Variants in CCSER1 observed in about 807,000 individuals in gnomAD.
CCSER1 encodes coiled-coil serine rich protein 1, also known as serine-rich coiled-coil domain-containing protein 1.
In CCSER1, 41 loss-of-function variants were observed where a neutral mutation model predicts 82.0. The ratio of observed to expected loss-of-function variants is 0.50; its 90% CI spans 0.39 to 0.65. The LOEUF (loss-of-function observed/expected upper bound fraction) is 0.65. Among genes scored for constraint, CCSER1 ranks in the 30% least tolerant of loss-of-function variants. The pLI is 0.00. For missense variants in CCSER1, 1,119 were observed against 1,064.2 expected, an observed-to-expected ratio of 1.05 and a Z score of -0.72; for synonymous variants, 414 against 383.9, an observed-to-expected ratio of 1.08 and a Z score of -0.92.
intron 5 of CCSER1, among the ~76,000 whole-genome samples, chr4:90,559,396 T>G (rs1477619099): frequency 6.6e-6 from 1 of 152,122 alleles, no homozygotes; most frequent in East Asian, 1.9e-4. Flanking sequence ...AACAAAGGCC[T>G]TCAGCAGACC....
chr4:91,382,628 G>T (rs552169272), intron 10 of CCSER1, among the ~76,000 whole-genome samples: 1 of 152,270 alleles, frequency 6.6e-6, no homozygotes, highest in South Asian at 2.1e-4. Context: ...GGCTAGGAAA[G>T]GGAATTCCCT....
In CCSER1 at chr4:90,748,746, G is replaced by A. The variant is rs374972146; in HGVS notation, c.2010+24755G>A. Among the ~76,000 whole-genome samples the A allele has an allele frequency of 6.9e-4, 103 of 149,398 alleles. 1 individual carries two copies. The highest frequency in any genetic ancestry group is 1.1e-3 in the Non-Finnish European group (77 of 67,276). On this transcript the variant is annotated intron_variant, in intron 7 of 10. Transcript: ENST00000509176. Reference sequence around the variant, plus strand: ...TTGCCATTCTAACTGGTGTGAGATGGTATCTCATTGTGGTTTTGATGTGCA... The same window carrying A: ...TTGCCATTCTAACTGGTGTGAGATGATATCTCATTGTGGTTTTGATGTGCA...
At chr4:90,252,444 C>T (rs546135493) in intron 1 of CCSER1, among the ~76,000 whole-genome samples, 52 of 151,512 alleles carry the variant, frequency 3.4e-4, no homozygotes, top group Admixed American at 1.3e-3. Flanking sequence ...AATATAAGAA[C>T]GTGTTTTTTA....
intron 10 of CCSER1, among the ~76,000 whole-genome samples, chr4:91,442,309 A>G (rs1755225854): frequency 6.6e-6 from 1 of 152,302 alleles, no homozygotes; most frequent in South Asian, 2.1e-4. Context: ...GCCCTCAGAA[A>G]TAATGCCGCA....
At chr4:90,464,233 G>A (rs182898426) in intron 4 of CCSER1, among the ~76,000 whole-genome samples, 1 of 152,146 alleles carries the variant, frequency 6.6e-6, no homozygotes, top group Admixed American at 6.5e-5. Context: ...TCCCTGGAAG[G>A]CTTGTTCATT....
chr4:90,821,447 G>A (rs1020923668), intron 8 of CCSER1, among the ~76,000 whole-genome samples: 2 of 152,090 alleles, frequency 1.3e-5, no homozygotes, highest in African/African-American at 4.8e-5. Context: ...GGACTTTTTT[G>A]ATAATTAAAT....
rs181907629 is a variant in CCSER1, at chr4:91,065,335, C to T, written c.2173-20615C>T. Among the ~76,000 whole-genome samples the T allele has an allele frequency of 2.4e-3, 364 of 151,938 alleles. 1 individual carries two copies. The highest frequency in any genetic ancestry group is 7.3e-3 in the African/African-American group (304 of 41,414). ...ATATAGAAAATATTGGGAAATATTG[C>T]GTAATTTGGTGTAATATTGTACAAA... is the stretch of plus-strand genomic sequence containing the variant. On this transcript the variant is annotated intron_variant, in intron 9 of 10. Coordinates refer to ENST00000509176, the MANE Select transcript of CCSER1 (RefSeq NM_001145065.2).
intron 9 of CCSER1, among the ~76,000 whole-genome samples, chr4:91,039,767 C>T (rs1490098342): frequency 6.6e-5 from 10 of 151,232 alleles, no homozygotes; most frequent in African/African-American, 2.4e-4. Flanking sequence ...TATATAATAT[C>T]CACGTATGTG....
chr4:90,389,615 C>T (rs1222764833), intron 3 of CCSER1, among the ~76,000 whole-genome samples: 4 of 152,088 alleles, frequency 2.6e-5, no homozygotes, highest in African/African-American at 9.7e-5. Flanking sequence ...ACAGTAGAGA[C>T]TCTGAAACCT....
chr4:90,307,297 A>G (rs903610423), intron 1 of CCSER1, among the ~76,000 whole-genome samples: 1 of 151,992 alleles, frequency 6.6e-6, no homozygotes, highest in Non-Finnish European at 1.5e-5. Flanking sequence ...TAAATGTTCT[A>G]TGCTTCTGAT....
intron 8 of CCSER1, among the ~76,000 whole-genome samples, chr4:90,866,895 AC>A (rs1765793565): frequency 6.6e-6 from 1 of 151,774 alleles, no homozygotes; most frequent in Admixed American, 6.6e-5. Flanking sequence ...TAGGATTCAC[AC>A]CCCCATGAGA....
At chr4:90,240,739 C>T (rs750482525) in intron 1 of CCSER1, among the ~76,000 whole-genome samples, 114 of 152,234 alleles carry the variant, frequency 7.5e-4, no homozygotes, top group Non-Finnish European at 8.4e-4. Flanking sequence ...CTCTAAATGC[C>T]GTAAGAATGT....
At chr4:90,780,096 T>A (rs1006027647) in intron 7 of CCSER1, among the ~76,000 whole-genome samples, 2 of 152,212 alleles carry the variant, frequency 1.3e-5, no homozygotes, top group Non-Finnish European at 2.9e-5. Flanking sequence ...TATCTTTTTA[T>A]TTACTGTCAA....
intron 8 of CCSER1, among the ~76,000 whole-genome samples, chr4:90,879,905 C>T (rs1721040653): frequency 6.6e-6 from 1 of 152,144 alleles, no homozygotes; most frequent in Admixed American, 6.5e-5. Flanking sequence ...GACTTATTTT[C>T]TGGATGTTTT....
intron 3 of CCSER1, among the ~76,000 whole-genome samples, chr4:90,328,219 A>T (rs1738583887): frequency 6.6e-6 from 1 of 152,214 alleles, no homozygotes; most frequent in South Asian, 2.1e-4. Flanking sequence ...AAATATAATG[A>T]GGGCCTATGA....
At position 90,628,110 on chromosome 4, in the gene CCSER1, G is replaced by A. The variant is rs752911022; in HGVS notation, c.1810G>A (p.Asp604Asn). ...CCGAATGCCCAACAGTCCATCTGCG[G>A]ATTGGCCTCTACAAGGTGTGGAAGA... is the stretch of plus-strand genomic sequence containing the variant. ...ISRMPNSPSA[D>N]WPLQGVEENG... The change falls in exon 6 of 11, where the codon GAT becomes AAT. Residue 604 changes from aspartate to asparagine, a missense_variant. Asp to Asn is a conservative substitution (Grantham distance 23, BLOSUM62 1). Transcript: ENST00000509176. 3 of 1,613,766 alleles carry A rather than the reference G, an allele frequency of 1.9e-6. No individual in the cohort carries two copies. The South Asian group carries it at 3.3e-5, about 18-fold the overall frequency.
At chr4:90,546,669 A>T (rs528832167) in intron 5 of CCSER1, among the ~76,000 whole-genome samples, 1 of 152,250 alleles carries the variant, frequency 6.6e-6, no homozygotes, top group Non-Finnish European at 1.5e-5. Flanking sequence ...AATAAAAAAA[A>T]TTTCCTATAA....
At position 90,997,104 on chromosome 4, in the gene CCSER1, T is replaced by C. The variant is rs555940640; in HGVS notation, c.2172+73657T>C. Among the ~76,000 whole-genome samples, 6 of 152,292 alleles carry C rather than the reference T, an allele frequency of 3.9e-5. No homozygotes were observed. In the South Asian group the frequency reaches 1.2e-3, roughly 32 times the overall value. ...AGTGATTTAAATAATACAAATTTTG[T>C]TATCTTACAGTTGTGGGAGTTAGAA... On this transcript the variant is annotated intron_variant, in intron 9 of 10. Coordinates refer to ENST00000509176, the MANE Select transcript of CCSER1 (RefSeq NM_001145065.2).
chr4:90,236,364 CT>C (rs1178470241), intron 1 of CCSER1, among the ~76,000 whole-genome samples: 1 of 152,048 alleles, frequency 6.6e-6, no homozygotes, highest in East Asian at 1.9e-4. Flanking sequence ...GCTCTAAGTT[CT>C]ATGCCAGATG....
Sources: allele counts gnomAD v4.1 joint callset (sites outside exome capture counted in the v4.1 genomes callset), GRCh38; gene constraint gnomAD v4.1.1; transcripts MANE v1.5; gene names NCBI Gene and HGNC (gene_info 2026-07-23, HGNC 2026-07-21).